The following ESPL1 variants were observed in gnomAD, a reference collection of about 807,000 sequenced individuals.
The protein encoded by ESPL1 is extra spindle pole bodies like 1, separase, also known as separin.
A neutral mutation model predicts 217.2 loss-of-function variants in ESPL1; 50 were observed. That is an observed-to-expected ratio of 0.23 (90% CI 0.18 to 0.29). The LOEUF is 0.29. Among genes scored for constraint, ESPL1 ranks in the 10% least tolerant of loss-of-function variants. The pLI is 1.00. For missense variants in ESPL1, 1,834 were observed against 2,603.0 expected, an observed-to-expected ratio of 0.70 and a Z score of 6.43; for synonymous variants, 994 against 1,081.3, an observed-to-expected ratio of 0.92 and a Z score of 1.58.
At chr12:53,276,529 G>C in intron 7 of ESPL1, 91 bp from the exon 8 acceptor site, 1 of 1,405,716 alleles carries the variant, frequency 7.1e-7, no homozygotes, top group African/African-American at 1.4e-5. Flanking sequence ...TACTGAGCAA[G>C]CCAAGGCTGG....
chr12:53,281,213 C>T (rs1425532012), intron 12 of ESPL1, among the ~76,000 whole-genome samples: 1 of 140,356 alleles, frequency 7.1e-6, no homozygotes, highest in African/African-American at 2.7e-5. Context: ...TCTCCATTCA[C>T]TGCAACCTCT....
chr12:53,277,992 AT>A, intron 11 of ESPL1, 32 bp downstream of exon 11: 1 of 1,606,988 alleles, frequency 6.2e-7, no homozygotes, highest in South Asian at 1.1e-5. Context: ...GGGGACCCAT[AT>A]AAACAAGGAC....
intron 7 of ESPL1, among the ~76,000 whole-genome samples, chr12:53,276,035 T>G (rs1450898836): frequency 6.6e-6 from 1 of 152,164 alleles, no homozygotes; most frequent in Non-Finnish European, 1.5e-5. Flanking sequence ...AGCGAGACCT[T>G]GACTCTACTT....
Position 53,289,537 on chromosome 12 carries a change from C to T in ESPL1, c.5056C>T (p.His1686Tyr). Residue 1686 changes from histidine (H) to tyrosine (Y), a missense_variant, in exon 22 of 31, where the codon CAC (histidine) becomes TAC (tyrosine). Physicochemically the swap from His to Tyr is moderately conservative, Grantham distance 83. Coordinates refer to ENST00000257934, the MANE Select transcript of ESPL1 (RefSeq NM_012291.5). ...TTCCTTCAGGGCTTTGGAATCTGGC[C>T]ACTTCCCCCAGCCTGAAAAGGAGAG... ...LFSFRALESG[H>Y]FPQPEKESFQ... 1 of 1,614,164 alleles carries T rather than the reference C, an allele frequency of 6.2e-7. No individual in the cohort carries two copies. Among genetic ancestry groups the T allele is most frequent in the Non-Finnish European group, 8.5e-7 (1 of 1,180,040 alleles).
At chr12:53,283,295 G>A (rs546449688) in intron 15 of ESPL1, 38 bp downstream of exon 15, 13 of 1,613,628 alleles carry the variant, frequency 8.1e-6, no homozygotes, top group African/African-American at 1.3e-5. Context: ...TCTTGGAATG[G>A]ACAGGCTATG....
At position 53,269,146 on chromosome 12, in the gene ESPL1, T is replaced by C. The variant is rs1459614772; in HGVS notation, c.204T>C (p.Pro68=). 2 of 1,614,110 alleles carry C rather than the reference T, an allele frequency of 1.2e-6. No individual in the cohort carries two copies. The highest frequency in any genetic ancestry group is 1.7e-6 in the Non-Finnish European group (2 of 1,180,054). The change falls in exon 3 of 31, where the codon CCT becomes CCC. Residue 68 remains proline, a synonymous_variant. Transcript: ENST00000257934. This position sits in a 1 kb window ranked among gnomAD's most constrained non-coding sequence, Gnocchi z 6.7. Reference sequence around the variant, plus strand: ...AGCTGACTGCTAAGCTAGCTTGCCCTAGGCATCTGGGGAGCCTGCTGGAGC... The same window carrying C: ...AGCTGACTGCTAAGCTAGCTTGCCCCAGGCATCTGGGGAGCCTGCTGGAGC... ...NQQLTAKLAC[P]RHLGSLLELA... is the part of the protein sequence containing the mutation.
Position 53,281,607 on chromosome 12 carries a change from T to G in ESPL1, c.2600T>G (p.Leu867Arg). 1.2e-6 allele frequency: 2 copies of G among 1,613,796 alleles called. No homozygotes were observed. Among genetic ancestry groups the G allele is most frequent in the Non-Finnish European group, 1.7e-6 (2 of 1,179,746 alleles). The change falls in exon 13 of 31, where the codon CTC becomes CGC. Residue 867 changes from leucine (L) to arginine (R), a missense_variant. Leu to Arg is a moderately radical substitution (Grantham distance 102). Transcript: ENST00000257934. ...SLTCDLLRSQ[L>R]YWTHQKVTKG... ...ACCTGTGATCTGCTTCGAAGTCAAC[T>G]CTACTGGACTCACCAGAAGGTATTT... is the stretch of plus-strand genomic sequence containing the variant.
chr12:53,273,622 G>A (rs185139073), intron 6 of ESPL1, among the ~76,000 whole-genome samples: 1 of 151,078 alleles, frequency 6.6e-6, no homozygotes, highest in Non-Finnish European at 1.5e-5. Context: ...AGCCAGGCGT[G>A]GTGGCATGTG....
Position 53,293,638 on chromosome 12 carries a change from A to C in ESPL1, c.*164A>C. ...AGTATAATAAAGATACATCATTTAA[A>C]CCCTGTTTTGCGTAGTTTATCTGAG... On this transcript the variant is annotated 3_prime_UTR_variant, in exon 31 of 31. Transcript: ENST00000257934. This position sits in a 1 kb window ranked among gnomAD's most constrained non-coding sequence, Gnocchi z 4.2. 1 of 621,762 alleles carries C rather than the reference A, an allele frequency of 1.6e-6. No individual in the cohort carries two copies. The highest frequency in any genetic ancestry group is 2.8e-6 in the Non-Finnish European group (1 of 355,624). 38.5% of individuals were successfully genotyped at this position (621,762 alleles called of 1,614,324 possible). A position where few individuals can be genotyped will look rare whatever the true frequency, so the allele number is the denominator to read the frequency against.
chr12:53,292,649 T>C lies in ESPL1; in HGVS notation c.5988T>C (p.Asp1996=), dbSNP rs771026211. Residue 1996 remains aspartate (D), a synonymous_variant, in exon 29 of 31, where the codon GAT becomes GAC. Transcript: ENST00000257934. This position sits in a 1 kb window ranked among gnomAD's most constrained non-coding sequence, Gnocchi z 4.5. ...TGCAGGAAGCCCTGACAAAGCATGA[T>C]TTGTATATGTGAGTGCTTAAGGCAG... ...EQVQEALTKH[D]LYIYAGHGAG... 2 of 1,612,258 alleles carry C rather than the reference T, an allele frequency of 1.2e-6. No homozygotes were observed. Among genetic ancestry groups the C allele is most frequent in the South Asian group, 1.1e-5 (1 of 91,060 alleles).
At chr12:53,275,726 CTTTT>C (rs560945425) in intron 7 of ESPL1, among the ~76,000 whole-genome samples, 1 of 129,534 alleles carries the variant, frequency 7.7e-6, no homozygotes, top group Admixed American at 7.9e-5. Flanking sequence ...GTGTCTGTTC[CTTTT>C]TTTTTTTTTT....
intron 6 of ESPL1, chr12:53,274,145 C>T (rs930764293): frequency 1.3e-5 from 2 of 152,210 alleles, no homozygotes; most frequent in East Asian, 1.9e-4. Flanking sequence ...CAAGCCACCG[C>T]GCTGGGCAAG....
chr12:53,271,956 A>AGGCGCCT (rs1205014689), intron 5 of ESPL1, among the ~76,000 whole-genome samples: 1 of 149,814 alleles, frequency 6.7e-6, no homozygotes, highest in African/African-American at 2.5e-5. Flanking sequence ...GCGTGGTGGC[A>AGGCGCCT]GGCGCCTGTA....
chr12:53,293,373 C>T lies in ESPL1; in HGVS notation c.6262C>T (p.Pro2088Ser). 6.2e-7 allele frequency: 1 copy of T among 1,614,140 alleles called. No homozygotes were observed. Among genetic ancestry groups the T allele is most frequent in the African/African-American group, 1.3e-5 (1 of 75,054 alleles). The change falls in exon 31 of 31, where the codon CCC becomes TCC. Residue 2088 changes from proline (P) to serine (S), a missense_variant. Around this residue, in one of 5 missense-constraint regions of ESPL1, gnomAD observed 295 missense variants for 519.8 expected, o/e 0.57. Transcript: ENST00000257934. This position sits in a 1 kb window ranked among gnomAD's most constrained non-coding sequence, Gnocchi z 4.2. ...QGWLGAGPGA[P>S]LLYYVNQARQ... is the part of the protein sequence containing the mutation. ...CTGGCTTGGAGCAGGCCCAGGGGCC[C>T]CCCTTCTCTACTATGTAAACCAGGC...
intron 12 of ESPL1, among the ~76,000 whole-genome samples, chr12:53,280,475 A>T (rs1007296314): frequency 6.6e-6 from 1 of 151,628 alleles, no homozygotes; most frequent in African/African-American, 2.4e-5. Flanking sequence ...TTCCATTTCC[A>T]CTTCCACGTC....
chr12:53,291,292 A>G lies in ESPL1; in HGVS notation c.5520+296A>G, dbSNP rs534559761. Among the ~76,000 whole-genome samples the G allele has an allele frequency of 4.8e-3, 682 of 141,212 alleles. 4 individuals are homozygous for G. The highest frequency in any genetic ancestry group is 0.018 in the Middle Eastern group (4 of 224). The allele number at this position is 141,212 out of a possible 152,430, so 92.6% of individuals were successfully genotyped here. ...AGCCTGGGTGACAGAGTGAGACTCC[A>G]TCTCAAAAAAAAAAAAAAGGATAGG... On this transcript the variant is annotated intron_variant, in intron 25 of 30. Coordinates refer to ENST00000257934, the MANE Select transcript of ESPL1 (RefSeq NM_012291.5).
rs2120944445 is a variant in ESPL1, at chr12:53,282,521, T to C, written c.2791+86T>C. 7.8e-7 allele frequency: 1 copy of C among 1,276,928 alleles called. No homozygotes were observed. Among genetic ancestry groups the C allele is most frequent in the East Asian group, 2.5e-5 (1 of 40,060 alleles). The allele number at this position is 1,276,928 out of a possible 1,614,324, so 79.1% of individuals were successfully genotyped here. A position where few individuals can be genotyped will look rare whatever the true frequency, so the allele number is the denominator to read the frequency against. Reference sequence around the variant, plus strand: ...TCTTCTCAAACCTCATCCCCTCTGCTGGCTAACTATGTGGCCCAGCCTACC... The same window carrying C: ...TCTTCTCAAACCTCATCCCCTCTGCCGGCTAACTATGTGGCCCAGCCTACC... On this transcript the variant is annotated intron_variant, in intron 14 of 30. Transcript: ENST00000257934. This position sits in a 1 kb window ranked among gnomAD's most constrained non-coding sequence, Gnocchi z 4.0.
chr12:53,270,634 A>T (rs758576383), intron 4 of ESPL1, 44 bp from the exon 5 acceptor site: 2 of 1,612,978 alleles, frequency 1.2e-6, no homozygotes, highest in Admixed American at 3.3e-5. Flanking sequence ...GTCATCTTGG[A>T]CCCAGCATGA....
intron 14 of ESPL1, 109 bp from the exon 15 acceptor site, chr12:53,283,020 C>A: frequency 7.1e-7 from 1 of 1,404,948 alleles, no homozygotes; most frequent in Non-Finnish European, 9.9e-7. Flanking sequence ...ATTAGCTCTG[C>A]CTGCCTTAAT....
Sources: gnomAD v4.1 joint callset for allele counts (sites outside exome capture counted in the v4.1 genomes callset) on GRCh38, gnomAD v4.1.1 for gene constraint, gnomAD v4.1.1 regional missense constraint, Gnocchi (gnomAD v3.1) non-coding constraint, MANE v1.5 for transcripts, NCBI Gene and HGNC (gene_info 2026-07-23, HGNC 2026-07-21) for gene names.